MLLT3: variants seen among roughly 807,000 people sequenced by gnomAD.
MLLT3 encodes the protein MLLT3 super elongation complex subunit.
MLLT3 carries 4 observed loss-of-function variants against 53.2 expected under a neutral mutation model. That is an observed-to-expected ratio of 0.08 (90% CI 0.04 to 0.17). The LOEUF (loss-of-function observed/expected upper bound fraction) is 0.17, where lower values mean the gene tolerates loss of function less well. MLLT3 is among the 10% of genes least tolerant of loss of function. The pLI is 1.00. For missense variants in MLLT3, 569 were observed against 684.0 expected, an observed-to-expected ratio of 0.83 and a Z score of 1.87; for synonymous variants, 283 against 230.6, an observed-to-expected ratio of 1.23 and a Z score of -2.06.
chr9:20,366,435 A>C (rs1250390916), intron 5 of MLLT3, among the ~76,000 whole-genome samples: 1 of 152,056 alleles, frequency 6.6e-6, no homozygotes, highest in Non-Finnish European at 1.5e-5. Context: ...TTCTTTATCC[A>C]GTCTATCACT....
At chr9:20,528,444 G>T (rs1178048170) in intron 2 of MLLT3, among the ~76,000 whole-genome samples, 1 of 152,234 alleles carries the variant, frequency 6.6e-6, no homozygotes, top group Non-Finnish European at 1.5e-5. Flanking sequence ...CAAACTTTGT[G>T]CTTTAAAATA....
At chr9:20,365,606 C>T in intron 6 of MLLT3, 63 bp downstream of exon 6, 2 of 1,587,714 alleles carry the variant, frequency 1.3e-6, no homozygotes, top group Admixed American at 3.3e-5. Context: ...TGTCAGCCTC[C>T]CAAAGTGCCA....
intron 2 of MLLT3, among the ~76,000 whole-genome samples, chr9:20,595,556 T>C (rs1270114204): frequency 1.3e-5 from 2 of 152,158 alleles, no homozygotes; most frequent in African/African-American, 4.8e-5. Context: ...AGATCCTGTA[T>C]CTATCATTTG....
In MLLT3 at chr9:20,505,171, A is replaced by G. The variant is rs118027155; in HGVS notation, c.194-48385T>C. ...ATGAGAATCTACAGAAGTTGGTGAG[A>G]TGCATGTGTCAAAGTCAAATAGATC... On this transcript the variant is annotated intron_variant, in intron 2 of 10. Coordinates refer to ENST00000380338, the MANE Select transcript of MLLT3 (RefSeq NM_004529.4). 6.0e-4 allele frequency among the ~76,000 whole-genome samples: 91 copies of G among 152,332 alleles called. No homozygotes were observed. In the East Asian group the frequency reaches 0.015, roughly 26 times the overall value.
intron 2 of MLLT3, among the ~76,000 whole-genome samples, chr9:20,578,447 G>A (rs1819709686): frequency 6.6e-6 from 1 of 152,072 alleles, no homozygotes; most frequent in South Asian, 2.1e-4. Flanking sequence ...GGAGGCAGAG[G>A]TGGGAGGACT....
chr9:20,360,198 A>G (rs1195406355), intron 8 of MLLT3, among the ~76,000 whole-genome samples: 2 of 152,224 alleles, frequency 1.3e-5, no homozygotes, highest in Admixed American at 6.5e-5. Context: ...GAACACCTAT[A>G]ATAATAAACT....
At chr9:20,366,165 C>A (rs961822918) in intron 5 of MLLT3, among the ~76,000 whole-genome samples, 4 of 152,154 alleles carry the variant, frequency 2.6e-5, no homozygotes, top group African/African-American at 9.7e-5. Context: ...CCATCATCTA[C>A]GTTAGGTATT....
At chr9:20,593,849 G>C (rs1309612887) in intron 2 of MLLT3, among the ~76,000 whole-genome samples, 1 of 152,028 alleles carries the variant, frequency 6.6e-6, no homozygotes, top group Admixed American at 6.6e-5. Context: ...TTTTACTTAG[G>C]ATAACTTTGC....
chr9:20,575,672 C>G (rs189369159), intron 2 of MLLT3, among the ~76,000 whole-genome samples: 3 of 152,198 alleles, frequency 2.0e-5, no homozygotes, highest in African/African-American at 7.2e-5. Flanking sequence ...TGAAAGAAAT[C>G]TTTTTTTCTG....
At chr9:20,371,449 G>C (rs555318116) in intron 5 of MLLT3, among the ~76,000 whole-genome samples, 33 of 152,314 alleles carry the variant, frequency 2.2e-4, no homozygotes, top group African/African-American at 7.9e-4. Context: ...AATGCAACTG[G>C]TGAATTTAAG....
intron 5 of MLLT3, chr9:20,412,101 G>A (rs996339996): frequency 6.6e-6 from 1 of 151,986 alleles, no homozygotes; most frequent in Non-Finnish European, 1.5e-5. Flanking sequence ...CTCTATACTA[G>A]AAGAATTGCA....
chr9:20,464,370 C>A (rs1422421120), intron 2 of MLLT3, among the ~76,000 whole-genome samples: 1 of 152,026 alleles, frequency 6.6e-6, no homozygotes, highest in Non-Finnish European at 1.5e-5. Flanking sequence ...AGTACAAGTT[C>A]TATTCTAGGG....
intron 2 of MLLT3, among the ~76,000 whole-genome samples, chr9:20,459,673 C>G (rs1014034592): frequency 6.6e-6 from 1 of 152,146 alleles, no homozygotes; most frequent in Non-Finnish European, 1.5e-5. Context: ...CTCCTATTAA[C>G]AGAAACAGCT....
intron 2 of MLLT3, among the ~76,000 whole-genome samples, chr9:20,584,255 T>C (rs1204581650): frequency 6.6e-6 from 1 of 152,188 alleles, no homozygotes; most frequent in East Asian, 1.9e-4. Flanking sequence ...CTAGACTTTA[T>C]TGTTCATATC....
chr9:20,567,851 G>C (rs928327545), intron 2 of MLLT3, among the ~76,000 whole-genome samples: 5 of 152,066 alleles, frequency 3.3e-5, no homozygotes, highest in Non-Finnish European at 5.9e-5. Flanking sequence ...TTCCACTGGG[G>C]AGCAAGGGGT....
chr9:20,444,925 C>T (rs1445989172), intron 4 of MLLT3, among the ~76,000 whole-genome samples: 1 of 149,352 alleles, frequency 6.7e-6, no homozygotes, highest in Admixed American at 6.6e-5. Context: ...GACCCTGTCT[C>T]TACATTTTTT....
chr9:20,443,441 T>A (rs1220786081), intron 4 of MLLT3, among the ~76,000 whole-genome samples: 1 of 152,210 alleles, frequency 6.6e-6, no homozygotes, highest in Non-Finnish European at 1.5e-5. Flanking sequence ...TCCATTTTTC[T>A]AATGAAAAGT....
At chr9:20,611,714 T>A (rs1820706660) in intron 2 of MLLT3, among the ~76,000 whole-genome samples, 1 of 152,156 alleles carries the variant, frequency 6.6e-6, no homozygotes, top group African/African-American at 2.4e-5. Context: ...ACATACCAAC[T>A]AAATCACACC....
chr9:20,479,511 T>G (rs1298180480), intron 2 of MLLT3, among the ~76,000 whole-genome samples: 4 of 152,146 alleles, frequency 2.6e-5, no homozygotes, highest in Non-Finnish European at 4.4e-5. Context: ...TGAGACCTTT[T>G]CCATTTGACT....
Sources: gnomAD v4.1 joint callset for allele counts (sites outside exome capture counted in the v4.1 genomes callset) on GRCh38, gnomAD v4.1.1 for gene constraint, MANE v1.5 for transcripts, NCBI Gene and HGNC (gene_info 2026-07-23, HGNC 2026-07-21) for gene names.